TBX15: variants seen among roughly 807,000 people sequenced by gnomAD.
TBX15 encodes T-box transcription factor 15.
TBX15 carries 18 observed loss-of-function variants against 53.9 expected under a neutral mutation model. The ratio of observed to expected loss-of-function variants is 0.33; its 90% CI spans 0.23 to 0.49. The LOEUF (loss-of-function observed/expected upper bound fraction) is 0.49. TBX15 is among the 20% of genes least tolerant of loss of function. TBX15 has a pLI of 0.98. For missense variants in TBX15, 692 were observed against 749.5 expected, an observed-to-expected ratio of 0.92 and a Z score of 0.90; for synonymous variants, 295 against 278.0, an observed-to-expected ratio of 1.06 and a Z score of -0.61.
At chr1:118,893,051 C>G (rs769684605) in intron 7 of TBX15, among the ~76,000 whole-genome samples, 2 of 151,764 alleles carry the variant, frequency 1.3e-5, no homozygotes, top group Non-Finnish European at 2.9e-5. Flanking sequence ...TCAGCATGGC[C>G]AGCATGGTGA....
At chr1:118,919,922 C>A (rs1655366637) in intron 5 of TBX15, among the ~76,000 whole-genome samples, 1 of 152,064 alleles carries the variant, frequency 6.6e-6, no homozygotes, top group Admixed American at 6.6e-5. Context: ...ATAAAATAGT[C>A]TATTAAATTG....
intron 1 of TBX15, among the ~76,000 whole-genome samples, chr1:118,976,605 A>G (rs1657444212): frequency 6.6e-6 from 1 of 152,170 alleles, no homozygotes; most frequent in Non-Finnish European, 1.5e-5. Flanking sequence ...GGAAGTTGGT[A>G]AGGCTGAGTC....
chr1:118,907,790 G>T (rs946258874), intron 6 of TBX15, among the ~76,000 whole-genome samples: 2 of 152,096 alleles, frequency 1.3e-5, no homozygotes, highest in Non-Finnish European at 2.9e-5. Context: ...TTACCTCTTG[G>T]TTCACTACTG....
At chr1:118,940,409 C>G (rs939794264) in intron 1 of TBX15, among the ~76,000 whole-genome samples, 1 of 151,908 alleles carries the variant, frequency 6.6e-6, no homozygotes, top group African/African-American at 2.4e-5. Context: ...AATGTCAAAT[C>G]ACCCTTTTGC....
At position 118,889,647 on chromosome 1, in the gene TBX15, A is replaced by G. The variant is rs139792549; in HGVS notation, c.1025-4131T>C. ...TCCAATCCCAGATGTCTTACTGATT[A>G]AGGACAGAACCTTAGCAAGTTAGCA... is the stretch of plus-strand genomic sequence containing the variant. On this transcript the variant is annotated intron_variant, in intron 7 of 7. Transcript: ENST00000369429. 5.9e-5 allele frequency among the ~76,000 whole-genome samples: 9 copies of G among 152,358 alleles called. No homozygotes were observed. In the East Asian group the frequency reaches 1.2e-3, roughly 20 times the overall value.
chr1:118,986,804 T>A (rs1370042660), intron 1 of TBX15, among the ~76,000 whole-genome samples: 2 of 150,874 alleles, frequency 1.3e-5, no homozygotes, highest in African/African-American at 4.8e-5. Flanking sequence ...ACAACAGCTG[T>A]TCCCCCGGGC....
intron 1 of TBX15, among the ~76,000 whole-genome samples, chr1:118,938,610 C>T (rs1267071124): frequency 6.6e-6 from 1 of 152,188 alleles, no homozygotes; most frequent in African/African-American, 2.4e-5. Flanking sequence ...AATTTGCATT[C>T]CCACCAACAG....
intron 1 of TBX15, among the ~76,000 whole-genome samples, chr1:118,945,281 C>G (rs576502635): frequency 6.6e-6 from 1 of 152,202 alleles, no homozygotes; most frequent in African/African-American, 2.4e-5. Context: ...AGCATTTATT[C>G]CAGTCTTTAA....
At chr1:118,914,087 G>A (rs199872290) in intron 6 of TBX15, 28 bp downstream of exon 6, 23 of 1,611,958 alleles carry the variant, frequency 1.4e-5, no homozygotes, top group Admixed American at 3.3e-5. Context: ...ACATAGAAAA[G>A]AAGTGCCTCT....
At chr1:118,899,164 TTTC>T in intron 6 of TBX15, 39 bp from the exon 7 acceptor site, 1 of 1,577,016 alleles carries the variant, frequency 6.3e-7, no homozygotes, top group Non-Finnish European at 8.7e-7. Context: ...TCATAAATAA[TTTC>T]AAGAAATGCA....
At chr1:118,971,254 T>G (rs1418611353) in intron 1 of TBX15, among the ~76,000 whole-genome samples, 1 of 152,210 alleles carries the variant, frequency 6.6e-6, no homozygotes, top group African/African-American at 2.4e-5. Flanking sequence ...CTTTCTTTCT[T>G]TCTTCTCTAA....
intron 3 of TBX15, among the ~76,000 whole-genome samples, chr1:118,925,591 G>C (rs1320389216): frequency 6.6e-6 from 1 of 152,150 alleles, no homozygotes; most frequent in African/African-American, 2.4e-5. Flanking sequence ...CCATGGATCT[G>C]GTACTTTCCT....
At chr1:118,986,874 C>G (rs1339603211) in intron 1 of TBX15, among the ~76,000 whole-genome samples, 3 of 152,164 alleles carry the variant, frequency 2.0e-5, no homozygotes, top group Non-Finnish European at 2.9e-5. Flanking sequence ...GGCTTCTCCC[C>G]TCCTAGGGTT....
chr1:118,978,059 T>C (rs1657497065), intron 1 of TBX15, among the ~76,000 whole-genome samples: 1 of 152,222 alleles, frequency 6.6e-6, no homozygotes, highest in Non-Finnish European at 1.5e-5. Flanking sequence ...ATAACTTACA[T>C]TTCCTTTAAA....
rs1571185256 is a variant in TBX15 at position 118,931,883 on chromosome 1, ACCCATGG to A, written c.206-58_206-52del. On this transcript the variant is annotated intron_variant, in intron 1 of 7. Transcript: ENST00000369429. ...GGTGAGAAACTGCTGAGCTCCCCTC[ACCCATGG>A]CCCTAAAAGATGGGGGTGGGAAATG... 15 of 1,527,470 alleles carry A rather than the reference ACCCATGG, an allele frequency of 9.8e-6. No individual in the cohort carries two copies. The East Asian group carries it at 3.7e-4, about 37-fold the overall frequency. 94.6% of individuals were successfully genotyped at this position (1,527,470 alleles called of 1,614,324 possible).
chr1:118,925,537 T>C (rs1655565157), intron 3 of TBX15, among the ~76,000 whole-genome samples: 3 of 152,192 alleles, frequency 2.0e-5, no homozygotes, highest in Admixed American at 1.3e-4. Context: ...GGAAGTCAGT[T>C]TTCCCGACTT....
intron 1 of TBX15, among the ~76,000 whole-genome samples, chr1:118,987,291 G>A (rs996820564): frequency 2.0e-5 from 3 of 152,184 alleles, no homozygotes; most frequent in African/African-American, 7.2e-5. Context: ...CCCAGGGACC[G>A]GCAGCCCTTC....
rs775478038 is a variant in TBX15 at position 118,923,478 on chromosome 1, A to G, written c.819T>C (p.Pro273=). The G allele has an allele frequency of 3.1e-6, 5 of 1,613,870 alleles. No homozygotes were observed. In the Admixed American group the frequency reaches 8.3e-5, roughly 27 times the overall value. Residue 273 remains proline, a synonymous_variant, in exon 5 of 8, where the codon CCT becomes CCC. Coordinates refer to ENST00000369429, the MANE Select transcript of TBX15 (RefSeq NM_001330677.2). ...VGDGVKTFNF[P]ETVFTTVTAY... is the part of the protein sequence containing the mutation. ...CCGTAACTGTGGTGAACACAGTCTC[A>G]GGAAAGTTGAACGTTTTCACCCCAT...
chr1:118,884,858 C>T lies in TBX15; in HGVS notation c.1683G>A (p.Gly561=), dbSNP rs751385809. Residue 561 remains glycine, a synonymous_variant, in exon 8 of 8, where the codon GGG becomes GGA. Transcript: ENST00000369429. ...AFGERQYLPS[G]MEHSMHMISP... ...TAATCATGTGCATGCTGTGCTCCATCCCTGACGGCAGGTACTGCCTCTCTC... is the reference window on the plus strand; with the variant it reads ...TAATCATGTGCATGCTGTGCTCCATTCCTGACGGCAGGTACTGCCTCTCTC... 3.1e-6 allele frequency: 5 copies of T among 1,614,042 alleles called. No individual in the cohort carries two copies. The African/African-American group carries it at 6.7e-5, about 22-fold the overall frequency.
Sources: gnomAD v4.1 joint callset for allele counts (sites outside exome capture counted in the v4.1 genomes callset) on GRCh38, gnomAD v4.1.1 for gene constraint, MANE v1.5 for transcripts, NCBI Gene and HGNC (gene_info 2026-07-23, HGNC 2026-07-21) for gene names.